GSE1: variants seen among roughly 807,000 people sequenced by gnomAD.
GSE1 encodes genetic suppressor element 1.
A neutral mutation model predicts 112.6 loss-of-function variants in GSE1; 32 were observed. The observed-to-expected ratio is 0.28, with a 90% CI of 0.21 to 0.38. The LOEUF is 0.38. Ranked by LOEUF, GSE1 falls within the 10% of genes least tolerant of loss-of-function variation. The pLI, the probability that GSE1 is intolerant of heterozygous loss-of-function variation, is 1.00. For missense variants in GSE1, 2,348 were observed against 1,699.2 expected (o/e 1.38, Z -6.71); for synonymous variants, 1,115 against 735.6 (o/e 1.52, Z -8.35).
intron 2 of GSE1, among the ~76,000 whole-genome samples, chr16:85,443,220 G>A (rs545876763): frequency 4.1e-4 from 62 of 152,294 alleles, no homozygotes; most frequent in Non-Finnish European, 7.5e-4. Context: ...GCTGCTGCCT[G>A]CTCCGTGAGG....
At chr16:85,560,128 CT>C (rs377241566) in intron 1 of GSE1, among the ~76,000 whole-genome samples, 239 of 99,136 alleles carry the variant, frequency 2.4e-3, no homozygotes, top group Middle Eastern at 7.5e-3. Flanking sequence ...TCTTCTTCTT[CT>C]TTTTTTTTTT....
At chr16:85,645,198 G>A (rs2050753118) in intron 2 of GSE1, among the ~76,000 whole-genome samples, 1 of 152,006 alleles carries the variant, frequency 6.6e-6, no homozygotes, top group African/African-American at 2.4e-5. Context: ...TCCATCTGGG[G>A]GTCTGGGGTT....
chr16:85,331,421 A>ATG (rs375821440), intron 1 of GSE1, among the ~76,000 whole-genome samples: 1 of 108,802 alleles, frequency 9.2e-6, no homozygotes, highest in African/African-American at 3.1e-5. Context: ...ATGCGTATAT[A>ATG]TGTATATATG....
chr16:85,637,732 G>A (rs2050121798), intron 2 of GSE1, among the ~76,000 whole-genome samples: 1 of 151,044 alleles, frequency 6.6e-6, no homozygotes, highest in Non-Finnish European at 1.5e-5. Flanking sequence ...CCCCGCAGGT[G>A]TAGCCTCCTC....
At chr16:85,182,028 G>T (rs890987410) in intron 1 of GSE1, among the ~76,000 whole-genome samples, 1 of 152,226 alleles carries the variant, frequency 6.6e-6, no homozygotes, top group African/African-American at 2.4e-5. Flanking sequence ...GGACAAGGGA[G>T]CCCCGGAACG....
chr16:85,481,939 C>G (rs141302850), intron 2 of GSE1, among the ~76,000 whole-genome samples: 88 of 152,356 alleles, frequency 5.8e-4, no homozygotes, highest in Non-Finnish European at 9.4e-4. Flanking sequence ...GCCGACGGAC[C>G]ATACCGGCCT....
In GSE1 at chr16:85,658,371, C is replaced by G. The variant is rs2052149990; in HGVS notation, c.1640+767C>G. On this transcript the variant is annotated intron_variant, in intron 8 of 15. Transcript: ENST00000253458. ...GCTCAGGGACCTAGGGACACTGATT[C>G]TGTTCCCTGAGCCTCACTTTCCTCA... Among the ~76,000 whole-genome samples, 5 of 152,364 alleles carry G rather than the reference C, an allele frequency of 3.3e-5. No individual in the cohort carries two copies. In the South Asian group the frequency reaches 8.3e-4, roughly 25 times the overall value.
intron 1 of GSE1, among the ~76,000 whole-genome samples, chr16:85,199,092 G>A (rs763268080): frequency 6.6e-6 from 1 of 152,086 alleles, no homozygotes; most frequent in Non-Finnish European, 1.5e-5. Context: ...TCACAGGCAT[G>A]TGCTACCATG....
chr16:85,461,898 G>T (rs2049979531), intron 2 of GSE1, among the ~76,000 whole-genome samples: 1 of 152,066 alleles, frequency 6.6e-6, no homozygotes, highest in African/African-American at 2.4e-5. Flanking sequence ...AGGCAGCCCT[G>T]CCCCTCCTTC....
exon 1 of GSE1, chr16:85,170,219 G>C (rs531432174): frequency 1.4e-5 from 14 of 985,300 alleles, no homozygotes; most frequent in Non-Finnish European, 1.7e-5. Flanking sequence ...GCGCAGGGGC[G>C]CGCGGAGGAG....
chr16:85,173,432 G>C (rs892349759), intron 1 of GSE1, among the ~76,000 whole-genome samples: 1 of 152,150 alleles, frequency 6.6e-6, no homozygotes, highest in Non-Finnish European at 1.5e-5. Flanking sequence ...CAATGGATTG[G>C]GGGAAATGTA....
At chr16:85,235,804 C>A (rs1904575725) in intron 1 of GSE1, among the ~76,000 whole-genome samples, 1 of 151,948 alleles carries the variant, frequency 6.6e-6, no homozygotes, top group South Asian at 2.1e-4. Context: ...GGCCGGTGAG[C>A]GCGGCTGGCT....
intron 2 of GSE1, among the ~76,000 whole-genome samples, chr16:85,494,841 C>G (rs576986878): frequency 8.5e-5 from 13 of 152,246 alleles, no homozygotes; most frequent in South Asian, 2.1e-4. Flanking sequence ...ATGAGGAAGC[C>G]AAGCCCAGAA....
chr16:85,621,774 T>A (rs1239639729), intron 1 of GSE1, among the ~76,000 whole-genome samples: 1 of 152,172 alleles, frequency 6.6e-6, no homozygotes, highest in African/African-American at 2.4e-5. Flanking sequence ...CTGGAGAGAC[T>A]GTTGTGTTCC....
intron 2 of GSE1, among the ~76,000 whole-genome samples, chr16:85,379,753 C>T (rs1255726067): frequency 2.6e-5 from 4 of 152,240 alleles, no homozygotes; most frequent in African/African-American, 9.6e-5. Flanking sequence ...TCCTTTGCTA[C>T]TGGATCCTGG....
At chr16:85,544,729 A>G (rs1319249767) in intron 2 of GSE1, among the ~76,000 whole-genome samples, 1 of 152,234 alleles carries the variant, frequency 6.6e-6, no homozygotes, top group Non-Finnish European at 1.5e-5. Context: ...CAACCCTGGC[A>G]GTGACTTCTT....
chr16:85,640,860 G>A (rs145827384), intron 2 of GSE1, among the ~76,000 whole-genome samples: 1,986 of 152,354 alleles, frequency 0.013, 12 homozygotes, highest in Non-Finnish European at 0.019. Flanking sequence ...AGGTGTGAGC[G>A]CCGCGGGCGT....
intron 1 of GSE1, among the ~76,000 whole-genome samples, chr16:85,250,251 A>G (rs1284290541): frequency 6.6e-6 from 1 of 152,142 alleles, no homozygotes; most frequent in Non-Finnish European, 1.5e-5. Context: ...GGACTTTTCC[A>G]GGGAGGCCTG....
At chr16:85,509,777 G>A (rs2051670512) in intron 2 of GSE1, among the ~76,000 whole-genome samples, 1 of 152,200 alleles carries the variant, frequency 6.6e-6, no homozygotes, top group Non-Finnish European at 1.5e-5. Context: ...ATTCGTGAGG[G>A]TAAATGTGTG....
Sources: allele counts gnomAD v4.1 joint callset (sites outside exome capture counted in the v4.1 genomes callset), GRCh38; gene constraint gnomAD v4.1.1; transcripts MANE v1.5; gene names NCBI Gene and HGNC (gene_info 2026-07-23, HGNC 2026-07-21).